The following POU6F2 variants were observed in gnomAD, a reference collection of about 807,000 sequenced individuals.
POU6F2 encodes the protein POU class 6 homeobox 2, also known as POU domain, class 6, transcription factor 2.
A neutral mutation model predicts 71.3 loss-of-function variants in POU6F2; 31 were observed. The ratio of observed to expected loss-of-function variants is 0.43; its 90% confidence interval spans 0.33 to 0.59. The LOEUF (loss-of-function observed/expected upper bound fraction) is 0.59. Among genes scored for constraint, POU6F2 ranks in the 20% least tolerant of loss-of-function variants. The probability of loss-of-function intolerance (pLI) is 0.04; values close to 1 mark genes in which losing one functional copy is unlikely to be tolerated. For missense variants in POU6F2, 783 were observed against 856.8 expected, an observed-to-expected ratio of 0.91 and a Z score of 1.07; for synonymous variants, 347 against 355.7, an observed-to-expected ratio of 0.98 and a Z score of 0.27.
In POU6F2 at chr7:39,259,608, A is replaced by G. The variant is rs115069711; in HGVS notation, c.598+51988A>G. Among the ~76,000 whole-genome samples, 1,380 of 152,218 alleles carry G rather than the reference A, an allele frequency of 9.1e-3. 23 individuals carry two copies. Among genetic ancestry groups the G allele is most frequent in the African/African-American group, 0.032 (1,318 of 41,514 alleles). On this transcript the variant is annotated intron_variant, in intron 4 of 9. Transcript: ENST00000518318. ...TGGAGTCAAAGGATGATCAGGCGGCACAGGGACACACAGGGAGCCTGGGCC... is the reference window on the plus strand; with the variant it reads ...TGGAGTCAAAGGATGATCAGGCGGCGCAGGGACACACAGGGAGCCTGGGCC...
At chr7:39,100,259 C>T (rs1456394241) in intron 2 of POU6F2, among the ~76,000 whole-genome samples, 1 of 152,238 alleles carries the variant, frequency 6.6e-6, no homozygotes, top group Non-Finnish European at 1.5e-5. Context: ...AAAAATCTAT[C>T]AGTGCCACAC....
intron 2 of POU6F2, among the ~76,000 whole-genome samples, chr7:39,113,958 C>CT (rs375567571): frequency 6.6e-6 from 1 of 152,234 alleles, no homozygotes; most frequent in African/African-American, 2.4e-5. Context: ...CCATAGCATA[C>CT]TTTTTTAATA....
Position 38,996,076 on chromosome 7 carries a change from G to C in POU6F2, c.105+18018G>C, listed in dbSNP as rs866311274. ...TTTTTTTAGACAGAATTTTGCTCTT[G>C]TTACCCAGGCTGGAGTGGAATGGCG... On this transcript the variant is annotated intron_variant, in intron 1 of 9. Transcript: ENST00000518318. Among the ~76,000 whole-genome samples the C allele has an allele frequency of 1.3e-3, 129 of 95,984 alleles. No individual in the cohort carries two copies. In the Middle Eastern group the frequency reaches 0.024, roughly 18 times the overall value. 63.0% of individuals were successfully genotyped at this position (95,984 alleles called of 152,430 possible).
chr7:39,126,578 C>G (rs1395008513), intron 2 of POU6F2, among the ~76,000 whole-genome samples: 2 of 152,180 alleles, frequency 1.3e-5, no homozygotes. Flanking sequence ...CTGCCATACT[C>G]AGTCTATGTT....
chr7:39,100,907 C>T (rs1385502239), intron 2 of POU6F2, among the ~76,000 whole-genome samples: 2 of 152,024 alleles, frequency 1.3e-5, no homozygotes, highest in Non-Finnish European at 2.9e-5. Context: ...TGGGCTACCT[C>T]GTACACAGGA....
intron 1 of POU6F2, chr7:39,001,864 C>T (rs1196869691): frequency 1.3e-5 from 2 of 151,702 alleles, no homozygotes; most frequent in Non-Finnish European, 2.9e-5. Context: ...TGTGATGATG[C>T]TGCTGATGGT....
intron 2 of POU6F2, among the ~76,000 whole-genome samples, chr7:39,160,220 A>G (rs1250520872): frequency 6.6e-6 from 1 of 152,182 alleles, no homozygotes; most frequent in East Asian, 1.9e-4. Context: ...TATTAAAATA[A>G]TTTACTAATT....
chr7:39,252,824 G>T (rs1446232855), intron 4 of POU6F2, among the ~76,000 whole-genome samples: 3 of 152,088 alleles, frequency 2.0e-5, no homozygotes, highest in Non-Finnish European at 4.4e-5. Flanking sequence ...GTAGAAAACG[G>T]CACCCCCAAA....
rs140752733 is a variant in POU6F2 at position 39,416,860 on chromosome 7, A to T, written c.1113+10120A>T. 4.0e-3 allele frequency among the ~76,000 whole-genome samples: 610 copies of T among 152,210 alleles called. 7 individuals are homozygous for T. Among genetic ancestry groups the T allele is most frequent in the African/African-American group, 0.014 (577 of 41,542 alleles). On this transcript the variant is annotated intron_variant, in intron 6 of 9. Coordinates refer to ENST00000518318, the MANE Select transcript of POU6F2 (RefSeq NM_001370959.1). ...CATTGAAATGTTGTAATTAAGGGGG[A>T]TACTATAATTGAGGAAATATGTTAT...
At chr7:39,195,271 A>G (rs567080706) in intron 2 of POU6F2, among the ~76,000 whole-genome samples, 3 of 152,374 alleles carry the variant, frequency 2.0e-5, no homozygotes, top group South Asian at 2.1e-4. Context: ...CTGCCCAGGA[A>G]GAACCACTGT....
intron 1 of POU6F2, among the ~76,000 whole-genome samples, chr7:38,981,970 C>A (rs1450136798): frequency 8.5e-5 from 13 of 152,132 alleles, no homozygotes; most frequent in Admixed American, 8.5e-4. Flanking sequence ...TTTATACCAT[C>A]CCTTGTTCCA....
Position 39,464,604 on chromosome 7 carries a change from CAATT to C in POU6F2, c.2084_2087del (p.Ile695AsnfsTer3). 6.2e-7 allele frequency: 1 copy of C among 1,610,958 alleles called. No homozygotes were observed. The highest frequency in any genetic ancestry group is 8.5e-7 in the Non-Finnish European group (1 of 1,178,632). On this transcript the variant is annotated frameshift_variant, in exon 10 of 10. Transcript: ENST00000518318. LOFTEE classifies it high-confidence loss of function. The surrounding 1 kb of genome is among the most constrained non-coding windows in gnomAD (Gnocchi z 4.1). ...AATAAGAGGCAAGCCCTGAAGAACA[CAATT>C]AAACGCTTAAAACAGCACGAGCCGG...
At chr7:39,052,797 T>C (rs1790423723) in intron 1 of POU6F2, among the ~76,000 whole-genome samples, 2 of 152,176 alleles carry the variant, frequency 1.3e-5, no homozygotes, top group African/African-American at 4.8e-5. Context: ...TGTTATTTAT[T>C]CATCCACTTG....
chr7:39,344,044 T>C (rs1785978851), intron 5 of POU6F2, among the ~76,000 whole-genome samples: 1 of 152,214 alleles, frequency 6.6e-6, no homozygotes, highest in Non-Finnish European at 1.5e-5. Flanking sequence ...GAGTCACTGC[T>C]ATAAGCTCTG....
chr7:39,437,212 G>A (rs1305730291), intron 7 of POU6F2, among the ~76,000 whole-genome samples: 1 of 152,152 alleles, frequency 6.6e-6, no homozygotes, highest in African/African-American at 2.4e-5. Flanking sequence ...GCTCCTTTTT[G>A]TATTTCTGGT....
chr7:39,272,478 T>G (rs1784358845), intron 4 of POU6F2, among the ~76,000 whole-genome samples: 1 of 152,156 alleles, frequency 6.6e-6, no homozygotes, highest in Admixed American at 6.6e-5. Flanking sequence ...GGGACAGAGC[T>G]GTAATAGGAG....
chr7:39,038,888 T>C (rs1790120311), intron 1 of POU6F2, among the ~76,000 whole-genome samples: 1 of 151,920 alleles, frequency 6.6e-6, no homozygotes, highest in Non-Finnish European at 1.5e-5. Flanking sequence ...TATCTCCTTC[T>C]GTCGACAGGG....
At chr7:38,985,393 C>T (rs1200325985) in intron 1 of POU6F2, among the ~76,000 whole-genome samples, 3 of 152,014 alleles carry the variant, frequency 2.0e-5, no homozygotes, top group Middle Eastern at 3.4e-3. Context: ...ATGGTCAGGG[C>T]GAACTCTGGT....
intron 1 of POU6F2, among the ~76,000 whole-genome samples, chr7:39,017,635 A>G (rs1281968843): frequency 6.6e-6 from 1 of 151,966 alleles, no homozygotes; most frequent in African/African-American, 2.4e-5. Context: ...CATCTACTAC[A>G]AGCCCCCTTA....
Sources: gnomAD v4.1 joint callset for allele counts (sites outside exome capture counted in the v4.1 genomes callset) on GRCh38, gnomAD v4.1.1 for gene constraint, Gnocchi (gnomAD v3.1) non-coding constraint, MANE v1.5 for transcripts, NCBI Gene and HGNC (gene_info 2026-07-23, HGNC 2026-07-21) for gene names.